The following FAR2 variants were observed in gnomAD, a reference collection of about 807,000 sequenced individuals.
FAR2 encodes the protein epididymis secretory protein Li 81.
A neutral mutation model predicts 56.0 loss-of-function variants in FAR2; 19 were observed. The observed-to-expected ratio is 0.34, with a 90% CI of 0.24 to 0.50. The LOEUF is 0.50. Ranked by LOEUF, FAR2 falls within the 20% of genes least tolerant of loss-of-function variation. FAR2 has a pLI of 0.98. For missense variants in FAR2, 508 were observed against 642.2 expected (o/e 0.79, Z 2.26); for synonymous variants, 219 against 218.8 (o/e 1.00, Z -0.01).
At chr12:29,186,344 G>A (rs763318526) in intron 1 of FAR2, among the ~76,000 whole-genome samples, 1 of 152,176 alleles carries the variant, frequency 6.6e-6, no homozygotes, top group African/African-American at 2.4e-5. Flanking sequence ...ATAAGCACCC[G>A]AGTGCAGGAC....
chr12:29,253,228 T>A (rs1948247051), intron 1 of FAR2, among the ~76,000 whole-genome samples: 1 of 102,626 alleles, frequency 9.7e-6, no homozygotes, highest in Admixed American at 8.8e-5. Flanking sequence ...TCGATATCTA[T>A]CTAGATAGAT....
At position 29,333,684 on chromosome 12, in the gene FAR2, C is replaced by A. The variant is rs148289062; in HGVS notation, c.1438C>A (p.Arg480Ser). Residue 480 changes from arginine (R) to serine (S), a missense_variant, in exon 12 of 12, where the codon CGC (arginine) becomes AGC (serine). Physicochemically the swap from Arg to Ser is moderately radical, Grantham distance 110. Transcript: ENST00000536681. ...TACTGCCCTCTTCCTTATCGCCTGG[C>A]GCCTTCTCATTGCAAGATCTCAGAT... ...FNTALFLIAWRLLIARSQMAR... is the reference protein window; with the variant it reads ...FNTALFLIAWSLLIARSQMAR... 1 of 1,613,756 alleles carries A rather than the reference C, an allele frequency of 6.2e-7. No homozygotes were observed. Among genetic ancestry groups the A allele is most frequent in the South Asian group, 1.1e-5 (1 of 91,054 alleles).
intron 8 of FAR2, among the ~76,000 whole-genome samples, chr12:29,312,315 A>C (rs988691611): frequency 4.6e-5 from 7 of 152,164 alleles, no homozygotes; most frequent in Admixed American, 2.6e-4. Flanking sequence ...CCTTCTTGAT[A>C]TGTCACTGAG....
At chr12:29,236,359 A>C (rs2077080522) in intron 1 of FAR2, among the ~76,000 whole-genome samples, 1 of 152,176 alleles carries the variant, frequency 6.6e-6, no homozygotes, top group Non-Finnish European at 1.5e-5. Flanking sequence ...GGGAACCAGG[A>C]TGTGGCTGAG....
intron 2 of FAR2, among the ~76,000 whole-genome samples, chr12:29,278,534 A>G (rs1018720972): frequency 7.3e-5 from 11 of 151,214 alleles, no homozygotes; most frequent in Admixed American, 1.3e-4. Flanking sequence ...TTTTTAAGAC[A>G]TGGTGGTCTC....
intron 2 of FAR2, among the ~76,000 whole-genome samples, chr12:29,287,871 GTTTCAAA>G (rs1395703825): frequency 6.6e-6 from 1 of 152,096 alleles, no homozygotes. Context: ...CCTCTGGATT[GTTTCAAA>G]AGCATTATAT....
At chr12:29,259,506 G>A (rs1948382060) in intron 1 of FAR2, among the ~76,000 whole-genome samples, 1 of 152,036 alleles carries the variant, frequency 6.6e-6, no homozygotes, top group Admixed American at 6.6e-5. Flanking sequence ...TTTTCCATAA[G>A]AACCACCTAA....
chr12:29,269,727 C>A (rs1056857232), intron 1 of FAR2, among the ~76,000 whole-genome samples: 1 of 152,140 alleles, frequency 6.6e-6, no homozygotes, highest in Admixed American at 6.5e-5. Context: ...TGGCTTCAGC[C>A]GGTCCCTCTG....
At chr12:29,324,288 T>G (rs1014828387) in intron 10 of FAR2, among the ~76,000 whole-genome samples, 7 of 152,186 alleles carry the variant, frequency 4.6e-5, no homozygotes, top group African/African-American at 1.7e-4. Context: ...TACCTGAAAG[T>G]GACGGGGAGA....
intron 1 of FAR2, among the ~76,000 whole-genome samples, chr12:29,227,833 ATACT>A (rs1250650281): frequency 6.6e-6 from 1 of 152,078 alleles, no homozygotes; most frequent in Non-Finnish European, 1.5e-5. Flanking sequence ...TAGAACCAAA[ATACT>A]TACCAAAAAC....
intron 1 of FAR2, among the ~76,000 whole-genome samples, chr12:29,266,152 G>A (rs1336032229): frequency 2.6e-5 from 4 of 152,116 alleles, no homozygotes; most frequent in Non-Finnish European, 5.9e-5. Flanking sequence ...CAATCCCACA[G>A]CTAGGTATAT....
chr12:29,246,102 A>G (rs2136670518), intron 1 of FAR2, among the ~76,000 whole-genome samples: 1 of 151,984 alleles, frequency 6.6e-6, no homozygotes, highest in Admixed American at 6.6e-5. Context: ...TATATACATC[A>G]AATTTTCCTT....
Position 29,270,502 on chromosome 12 carries a change from C to T in FAR2, c.53C>T (p.Ala18Val), listed in dbSNP as rs762905498. ...GGCAAGTCCATTCTCATCACGGGGG[C>T]CACAGGCTTTCTGGGCAAAGTGCTG... Reference protein sequence around the residue: ...YGGKSILITGATGFLGKVLME... With the variant: ...YGGKSILITGVTGFLGKVLME... Residue 18 changes from alanine to valine, a missense_variant, in exon 2 of 12, where the codon GCC becomes GTC. Ala to Val is a moderately conservative substitution (Grantham distance 64, BLOSUM62 0). Coordinates refer to ENST00000536681, the MANE Select transcript of FAR2 (RefSeq NM_001271783.2). The T allele has an allele frequency of 6.2e-7, 1 of 1,612,372 alleles. No homozygotes were observed. The highest frequency in any genetic ancestry group is 1.7e-5 in the Admixed American group (1 of 59,978).
intron 1 of FAR2, among the ~76,000 whole-genome samples, chr12:29,229,925 T>C (rs181641743): frequency 6.6e-4 from 100 of 152,214 alleles, no homozygotes; most frequent in Middle Eastern, 6.8e-3. Flanking sequence ...GAGAACATTC[T>C]AGATAAAGGG....
intron 2 of FAR2, 89 bp downstream of exon 2, chr12:29,270,727 GT>G: frequency 8.6e-7 from 1 of 1,163,420 alleles, no homozygotes; most frequent in Non-Finnish European, 1.2e-6. Flanking sequence ...CATATTGCAA[GT>G]GGGGACCAGG....
intron 1 of FAR2, among the ~76,000 whole-genome samples, chr12:29,154,158 T>C (rs1187200351): frequency 6.6e-6 from 1 of 152,208 alleles, no homozygotes; most frequent in Non-Finnish European, 1.5e-5. Context: ...ATGGTGTAAT[T>C]TCCTAAAATG....
intron 1 of FAR2, 142 bp from the exon 2 acceptor site, chr12:29,270,270 G>A (rs2136706607): frequency 1.8e-6 from 1 of 544,654 alleles, no homozygotes; most frequent in East Asian, 3.0e-5. Context: ...GAGTCGTATT[G>A]CTTAAAAGCC....
At chr12:29,238,450 T>C (rs890720671) in intron 1 of FAR2, among the ~76,000 whole-genome samples, 1 of 152,110 alleles carries the variant, frequency 6.6e-6, no homozygotes, top group African/African-American at 2.4e-5. Flanking sequence ...ATCAATGTTT[T>C]AAATAATAAA....
intron 4 of FAR2, among the ~76,000 whole-genome samples, chr12:29,304,868 T>C (rs531086381): frequency 1.4e-4 from 21 of 152,310 alleles, no homozygotes; most frequent in Non-Finnish European, 2.8e-4. Context: ...TTTAGATTAA[T>C]TTCAGACATG....
Sources: gnomAD v4.1 joint callset for allele counts (sites outside exome capture counted in the v4.1 genomes callset) on GRCh38, gnomAD v4.1.1 for gene constraint, MANE v1.5 for transcripts, NCBI Gene and HGNC (gene_info 2026-07-23, HGNC 2026-07-21) for gene names.